Variants in PRELID2 observed in about 807,000 individuals in gnomAD.
PRELID2 encodes PRELI domain containing 2.
PRELID2 carries 25 observed loss-of-function variants against 28.4 expected under a neutral mutation model. The ratio of observed to expected loss-of-function variants is 0.88; its 90% CI spans 0.64 to 1.23. The LOEUF is 1.23. Among genes scored for constraint, PRELID2 ranks in the 50% most tolerant of loss-of-function variants. PRELID2 has a pLI of 0.00. For synonymous variants in PRELID2, 76 were observed against 71.6 expected (o/e 1.06, Z -0.31); for missense variants, 201 against 214.4 (o/e 0.94, Z 0.39).
At chr5:145,507,626 C>T (rs189688464) in intron 1 of PRELID2, among the ~76,000 whole-genome samples, 41 of 152,152 alleles carry the variant, frequency 2.7e-4, no homozygotes, top group African/African-American at 7.0e-4. Context: ...TGGCTGCATT[C>T]CCCCATGGCC....
At chr5:145,715,594 A>G (rs746367170) in intron 1 of PRELID2, among the ~76,000 whole-genome samples, 6 of 152,108 alleles carry the variant, frequency 3.9e-5, no homozygotes, top group Non-Finnish European at 8.8e-5. Flanking sequence ...AACCACCCAC[A>G]TGATTGGATG....
At chr5:145,474,041 A>T (rs1281122408) in intron 1 of PRELID2, among the ~76,000 whole-genome samples, 2 of 152,218 alleles carry the variant, frequency 1.3e-5, no homozygotes, top group Non-Finnish European at 2.9e-5. Context: ...GCTCCACTAA[A>T]GGAAAAACCA....
chr5:145,693,975 C>T (rs1214470644), intron 1 of PRELID2, among the ~76,000 whole-genome samples: 1 of 152,124 alleles, frequency 6.6e-6, no homozygotes, highest in Non-Finnish European at 1.5e-5. Context: ...GATTCTCAAG[C>T]CACACTGCCT....
At chr5:145,740,871 TAA>T (rs1476175439) in intron 1 of PRELID2, among the ~76,000 whole-genome samples, 4 of 107,616 alleles carry the variant, frequency 3.7e-5, no homozygotes, top group Non-Finnish European at 5.1e-5. Flanking sequence ...TATTTATCGA[TAA>T]ATATATATGT....
At chr5:145,808,962 G>T (rs1394528825) in intron 4 of PRELID2, among the ~76,000 whole-genome samples, 1 of 143,550 alleles carries the variant, frequency 7.0e-6, no homozygotes, top group African/African-American at 2.6e-5. Context: ...ATTTTGACTT[G>T]TTTTTTACTA....
the PRELID2 span, among the ~76,000 whole-genome samples, chr5:145,253,692 G>C: frequency 6.6e-6 from 1 of 151,958 alleles, no homozygotes; most frequent in African/African-American, 2.4e-5. Context: ...TGAACTGTTA[G>C]AGAGGTAGGC....
chr5:145,814,503 C>CT (rs142700353), intron 4 of PRELID2, among the ~76,000 whole-genome samples: 3,362 of 152,216 alleles, frequency 0.022, 109 homozygotes, highest in African/African-American at 0.072. Flanking sequence ...TAAGACATGG[C>CT]TTCACACCCA....
intron 1 of PRELID2, among the ~76,000 whole-genome samples, chr5:145,511,161 G>C (rs1752457337): frequency 6.6e-6 from 1 of 152,186 alleles, no homozygotes; most frequent in Non-Finnish European, 1.5e-5. Flanking sequence ...ACTAACCACA[G>C]TGCCTGTCTT....
the PRELID2 span, among the ~76,000 whole-genome samples, chr5:145,460,170 A>T: frequency 6.6e-6 from 1 of 152,208 alleles, no homozygotes; most frequent in Non-Finnish European, 1.5e-5. Context: ...TTAACTAGTG[A>T]GACTGCTACA....
intron 5 of PRELID2, among the ~76,000 whole-genome samples, chr5:145,780,584 AT>A (rs1306569787): frequency 6.6e-6 from 1 of 152,250 alleles, no homozygotes; most frequent in African/African-American, 2.4e-5. Flanking sequence ...GGTAGTACCT[AT>A]TTAAAACATT....
intron 1 of PRELID2, among the ~76,000 whole-genome samples, chr5:145,740,443 A>G (rs971742912): frequency 7.1e-6 from 1 of 141,148 alleles, no homozygotes; most frequent in Non-Finnish European, 1.5e-5. Flanking sequence ...TCTCTCAACA[A>G]TTGGTACAAC....
At chr5:145,681,817 T>C (rs1478258214) in intron 1 of PRELID2, among the ~76,000 whole-genome samples, 2 of 152,178 alleles carry the variant, frequency 1.3e-5, no homozygotes, top group African/African-American at 2.4e-5. Flanking sequence ...AGAAAGTAAC[T>C]ACACTAAGTG....
chr5:145,281,503 G>C, the PRELID2 span, among the ~76,000 whole-genome samples: 1 of 152,130 alleles, frequency 6.6e-6, no homozygotes, highest in Non-Finnish European at 1.5e-5. Context: ...ACCCTATAGC[G>C]CTAAGATAAA....
the PRELID2 span, among the ~76,000 whole-genome samples, chr5:145,353,881 TCTC>T: frequency 6.6e-6 from 1 of 152,108 alleles, no homozygotes; most frequent in Non-Finnish European, 1.5e-5. Flanking sequence ...ATGAGGTCCT[TCTC>T]CAACTTTCTA....
chr5:145,610,669 T>A (rs1335762067), intron 1 of PRELID2, among the ~76,000 whole-genome samples: 1 of 152,156 alleles, frequency 6.6e-6, no homozygotes, highest in Non-Finnish European at 1.5e-5. Flanking sequence ...TGCCATGATG[T>A]AATACTGGCT....
At chr5:145,790,002 T>C (rs903521401) in intron 5 of PRELID2, among the ~76,000 whole-genome samples, 2 of 152,146 alleles carry the variant, frequency 1.3e-5, no homozygotes, top group African/African-American at 4.8e-5. Flanking sequence ...ATAAAAAGTG[T>C]TGGCAAGAAT....
the PRELID2 span, among the ~76,000 whole-genome samples, chr5:145,259,920 T>C: frequency 6.6e-6 from 1 of 152,158 alleles, no homozygotes; most frequent in Non-Finnish European, 1.5e-5. Flanking sequence ...TAATCCCCAA[T>C]GTTGGATGTG....
chr5:145,340,764 A>AATACATATATAT, the PRELID2 span, among the ~76,000 whole-genome samples: 1 of 79,212 alleles, frequency 1.3e-5, no homozygotes, highest in African/African-American at 4.9e-5. Flanking sequence ...CCTGCCTAAA[A>AATACATATATAT]ATATACATAT....
the PRELID2 span, among the ~76,000 whole-genome samples, chr5:145,321,511 C>A: frequency 1.3e-5 from 2 of 152,164 alleles, no homozygotes; most frequent in East Asian, 3.9e-4. Context: ...TTGTCCACAA[C>A]AATAGCAGTT....
Sources: allele counts gnomAD v4.1 joint callset (sites outside exome capture counted in the v4.1 genomes callset), GRCh38; gene constraint gnomAD v4.1.1; transcripts MANE v1.5; gene names NCBI Gene and HGNC (gene_info 2026-07-23, HGNC 2026-07-21).